GHR: variants seen among roughly 807,000 people sequenced by gnomAD.
The protein encoded by GHR is GH receptor.
GHR carries 35 observed loss-of-function variants against 67.1 expected under a neutral mutation model. The observed-to-expected ratio is 0.52, with a 90% CI of 0.40 to 0.69. The LOEUF (loss-of-function observed/expected upper bound fraction) is 0.69, where lower values mean the gene tolerates loss of function less well. Ranked by LOEUF, GHR falls within the 30% of genes least tolerant of loss-of-function variation. The pLI is 0.00. For synonymous variants in GHR, 272 were observed against 269.1 expected (o/e 1.01, Z -0.10); for missense variants, 792 against 764.6 (o/e 1.04, Z -0.42).
At chr5:42,505,172 A>G (rs1369035927) in intron 1 of GHR, among the ~76,000 whole-genome samples, 1 of 62,746 alleles carries the variant, frequency 1.6e-5, no homozygotes, top group Non-Finnish European at 3.6e-5. Flanking sequence ...ATTTACTTTT[A>G]TTTTAAATCT....
At chr5:42,457,034 C>A (rs183205796) in intron 1 of GHR, among the ~76,000 whole-genome samples, 72 of 152,208 alleles carry the variant, frequency 4.7e-4, no homozygotes, top group African/African-American at 1.2e-3. Flanking sequence ...GACTGGCTTT[C>A]CCTGGGGAGC....
chr5:42,584,742 T>C (rs1751379328), intron 2 of GHR, among the ~76,000 whole-genome samples: 1 of 152,092 alleles, frequency 6.6e-6, no homozygotes, highest in African/African-American at 2.4e-5. Flanking sequence ...ATTATTGCTG[T>C]TAGAACACTC....
intron 1 of GHR, among the ~76,000 whole-genome samples, chr5:42,481,021 G>C (rs1310198870): frequency 1.3e-5 from 2 of 152,102 alleles, no homozygotes; most frequent in Non-Finnish European, 2.9e-5. Flanking sequence ...TGCAGTGGCT[G>C]GTACCGGTTG....
chr5:42,508,701 G>A (rs1490633779), intron 1 of GHR, among the ~76,000 whole-genome samples: 1 of 152,166 alleles, frequency 6.6e-6, no homozygotes, highest in African/African-American at 2.4e-5. Context: ...AGCCTGCCAA[G>A]TAGCTAGGAC....
At chr5:42,713,796 C>T in intron 8 of GHR, 1 of 357,104 alleles carries the variant, frequency 2.8e-6, no homozygotes, top group South Asian at 2.8e-5. Context: ...TGATATGTAC[C>T]TCTTTATCCA....
Position 42,464,012 on chromosome 5 carries a change from A to AAAAAG in GHR, c.-12+40062_-12+40066dup, listed in dbSNP as rs1579745953. 7.0e-5 allele frequency among the ~76,000 whole-genome samples: 9 copies of AAAAAG among 129,274 alleles called. No individual in the cohort carries two copies. In the East Asian group the frequency reaches 1.9e-3, roughly 28 times the overall value. 84.8% of individuals were successfully genotyped at this position (129,274 alleles called of 152,430 possible). On this transcript the variant is annotated intron_variant, in intron 1 of 9. Coordinates refer to ENST00000230882, the MANE Select transcript of GHR (RefSeq NM_000163.5). ...CGTCTCAAAAAAAAAAAAAAAAAAA[A>AAAAAG]AAAAGAAAAAGAAATAATTTAGTGT...
intron 6 of GHR, among the ~76,000 whole-genome samples, chr5:42,706,826 C>T (rs1048743314): frequency 6.6e-6 from 1 of 151,608 alleles, no homozygotes; most frequent in Non-Finnish European, 1.5e-5. Flanking sequence ...ATGTGATGCC[C>T]CTGGGTTTAT....
intron 3 of GHR, among the ~76,000 whole-genome samples, chr5:42,679,590 A>G (rs996988916): frequency 6.6e-6 from 1 of 151,970 alleles, no homozygotes; most frequent in African/African-American, 2.4e-5. Flanking sequence ...ATGGCACTGC[A>G]TTCCAGCCTG....
chr5:42,718,977 G>A lies in GHR; in HGVS notation c.1470G>A (p.Val490=). 1.2e-6 allele frequency: 2 copies of A among 1,612,484 alleles called. No homozygotes were observed. The highest frequency in any genetic ancestry group is 1.7e-6 in the Non-Finnish European group (2 of 1,178,906). Residue 490 remains valine, a synonymous_variant, in exon 10 of 10, where the codon GTG becomes GTA. Coordinates refer to ENST00000230882, the MANE Select transcript of GHR (RefSeq NM_000163.5). The stretch of plus-strand genomic sequence containing the variant: ...CAAACATCGACTTTTATGCCCAGGT[G>A]AGCGACATTACACCAGCAGGTAGTG... ...SLSNIDFYAQ[V]SDITPAGSVV...
rs374643379 is a variant in GHR, at chr5:42,468,311, A to G, written c.-12+44356A>G. ...GGGCCTAGGGCCATGGCTTCTCTCA[A>G]TTCTGCAGTCATCTTCTCTGCTCAG... On this transcript the variant is annotated intron_variant, in intron 1 of 9. Coordinates refer to ENST00000230882, the MANE Select transcript of GHR (RefSeq NM_000163.5). 1.7e-5 allele frequency: 26 copies of G among 1,570,708 alleles called. No individual in the cohort carries two copies. The African/African-American group carries it at 1.8e-4, about 11-fold the overall frequency.
At chr5:42,485,677 G>A (rs1745848045) in intron 1 of GHR, among the ~76,000 whole-genome samples, 1 of 152,148 alleles carries the variant, frequency 6.6e-6, no homozygotes, top group African/African-American at 2.4e-5. Flanking sequence ...TACATTAGAA[G>A]TTTCTAAATT....
rs1032513276 is a variant in GHR at position 42,666,637 on chromosome 5, A to G, written c.137-22253A>G. On this transcript the variant is annotated intron_variant, in intron 3 of 9. Coordinates refer to ENST00000230882, the MANE Select transcript of GHR (RefSeq NM_000163.5). ...CATTTCAAGTGCTCAATACCTACGA[A>G]AGACCCATGGCTACCATATTGGACA... Among the ~76,000 whole-genome samples the G allele has an allele frequency of 3.9e-5, 6 of 152,174 alleles. 1 individual carries two copies. The highest frequency in any genetic ancestry group is 7.3e-5 in the Non-Finnish European group (5 of 68,032).
chr5:42,529,918 TA>T (rs2112335241), intron 1 of GHR, among the ~76,000 whole-genome samples: 1 of 151,498 alleles, frequency 6.6e-6, no homozygotes, highest in Admixed American at 6.6e-5. Context: ...AATGTAGAAT[TA>T]GCACTAAAGA....
intron 1 of GHR, among the ~76,000 whole-genome samples, chr5:42,469,253 T>A (rs1279017326): frequency 6.6e-6 from 1 of 152,216 alleles, no homozygotes; most frequent in Non-Finnish European, 1.5e-5. Context: ...TAATGGGAAG[T>A]GAGAAAAGTA....
chr5:42,469,714 G>T, intron 1 of GHR, among the ~76,000 whole-genome samples: 1 of 152,180 alleles, frequency 6.6e-6, no homozygotes, highest in African/African-American at 2.4e-5. Context: ...CTCAATTCCC[G>T]TGACACCTAT....
chr5:42,482,133 TG>T (rs568033692), intron 1 of GHR, among the ~76,000 whole-genome samples: 103 of 152,326 alleles, frequency 6.8e-4, no homozygotes, highest in African/African-American at 2.3e-3. Context: ...CATTGGAGTT[TG>T]CTAGACGTCC....
chr5:42,468,335 A>G, intron 1 of GHR: 5 of 1,557,316 alleles, frequency 3.2e-6, no homozygotes, highest in Non-Finnish European at 3.5e-6. Context: ...TTCTCTGCTC[A>G]GCAGGGGAAC....
chr5:42,487,121 A>C (rs1445412385), intron 1 of GHR, among the ~76,000 whole-genome samples: 1 of 152,176 alleles, frequency 6.6e-6, no homozygotes, highest in Non-Finnish European at 1.5e-5. Flanking sequence ...GTACTTTGAA[A>C]CATTTCACAG....
At chr5:42,607,936 A>G (rs1752704372) in intron 2 of GHR, among the ~76,000 whole-genome samples, 1 of 152,206 alleles carries the variant, frequency 6.6e-6, no homozygotes, top group Non-Finnish European at 1.5e-5. Flanking sequence ...GGAAGCAAAT[A>G]CCTTTATTAT....
Sources: allele counts gnomAD v4.1 joint callset (sites outside exome capture counted in the v4.1 genomes callset), GRCh38; gene constraint gnomAD v4.1.1; transcripts MANE v1.5; gene names NCBI Gene and HGNC (gene_info 2026-07-23, HGNC 2026-07-21).